Variants in CNOT6 observed in about 807,000 individuals in gnomAD.
CNOT6 encodes CCR4-NOT transcription complex subunit 6, also known as carbon catabolite repression 4 protein.
CNOT6 carries 12 observed loss-of-function variants against 61.2 expected under a neutral mutation model. That is an observed-to-expected ratio of 0.20 (90% CI 0.13 to 0.32). The LOEUF is 0.32. Among genes scored for constraint, CNOT6 ranks in the 10% least tolerant of loss-of-function variants. The pLI, the probability that CNOT6 is intolerant of heterozygous loss-of-function variation, is 1.00. For synonymous variants in CNOT6, 225 were observed against 240.6 expected, an observed-to-expected ratio of 0.94 and a Z score of 0.60; for missense variants, 405 against 663.9, an observed-to-expected ratio of 0.61 and a Z score of 4.28.
chr5:180,522,216 C>G (rs746152447), intron 1 of CNOT6, among the ~76,000 whole-genome samples: 1 of 152,120 alleles, frequency 6.6e-6, no homozygotes, highest in Non-Finnish European at 1.5e-5. Context: ...ACTCCATGTC[C>G]TAGGCTCAGA....
chr5:180,548,589 A>T (rs1490503821), intron 2 of CNOT6, among the ~76,000 whole-genome samples: 1 of 152,112 alleles, frequency 6.6e-6, no homozygotes, highest in Non-Finnish European at 1.5e-5. Context: ...GCCTCCTGTA[A>T]GTGCTGTCCA....
Position 180,574,229 on chromosome 5 carries a change from TCA to T in CNOT6, c.*31_*32del. The T allele has an allele frequency of 6.3e-7, 1 of 1,576,584 alleles. No individual in the cohort carries two copies. Among genetic ancestry groups the T allele is most frequent in the Non-Finnish European group, 8.7e-7 (1 of 1,146,070 alleles). ...AGCACCTTCAGAGGACAGCCTTGAT[TCA>T]CTTGTAAACTTGTGAAAATCTGAAC... On this transcript the variant is annotated 3_prime_UTR_variant, in exon 12 of 12. Transcript: ENST00000261951.
intron 1 of CNOT6, among the ~76,000 whole-genome samples, chr5:180,521,679 A>G (rs953793590): frequency 1.4e-4 from 22 of 152,206 alleles, no homozygotes; most frequent in Non-Finnish European, 2.6e-4. Flanking sequence ...TAGTCAGTAC[A>G]TTCTCAGCCC....
intron 1 of CNOT6, among the ~76,000 whole-genome samples, chr5:180,519,714 CT>C (rs1416469691): frequency 2.0e-5 from 3 of 148,542 alleles, no homozygotes; most frequent in Non-Finnish European, 4.5e-5. Flanking sequence ...TCTTGGGTCT[CT>C]TATTTAATGT....
intron 2 of CNOT6, among the ~76,000 whole-genome samples, chr5:180,544,920 A>G (rs1043662114): frequency 5.3e-5 from 8 of 152,154 alleles, no homozygotes; most frequent in African/African-American, 1.9e-4. Flanking sequence ...GAGCAAGCAC[A>G]CCACTGCACT....
chr5:180,510,831 T>C (rs556995433), intron 1 of CNOT6, among the ~76,000 whole-genome samples: 14 of 151,740 alleles, frequency 9.2e-5, no homozygotes, highest in South Asian at 2.1e-4. Context: ...TGCGACAGAG[T>C]CTCGCTCTCG....
intron 1 of CNOT6, among the ~76,000 whole-genome samples, chr5:180,516,525 T>G (rs750507238): frequency 6.6e-6 from 1 of 152,186 alleles, no homozygotes; most frequent in Non-Finnish European, 1.5e-5. Flanking sequence ...CAGTTAAGAT[T>G]GCCTGTAACT....
chr5:180,523,111 G>A (rs1168284816), intron 1 of CNOT6, among the ~76,000 whole-genome samples: 2 of 152,180 alleles, frequency 1.3e-5, no homozygotes, highest in African/African-American at 4.8e-5. Flanking sequence ...TGAGCTATAG[G>A]ACACTCAGGT....
chr5:180,503,096 G>A (rs997649564), intron 1 of CNOT6, among the ~76,000 whole-genome samples: 5 of 152,004 alleles, frequency 3.3e-5, no homozygotes, highest in Non-Finnish European at 7.4e-5. Flanking sequence ...TGCCGGTGGT[G>A]CAGTGGGCTC....
chr5:180,573,891 C>T, intron 11 of CNOT6, 97 bp from the exon 12 acceptor site: 1 of 820,518 alleles, frequency 1.2e-6, no homozygotes, highest in Non-Finnish European at 2.1e-6. Context: ...TTGTTCTGTT[C>T]TGTTCACCAA....
intron 1 of CNOT6, among the ~76,000 whole-genome samples, chr5:180,513,054 G>T (rs181052069): frequency 1.6e-3 from 237 of 151,888 alleles, no homozygotes; most frequent in African/African-American, 5.5e-3. Flanking sequence ...CGCCACCAAT[G>T]CCCGGATAAT....
chr5:180,515,942 G>A (rs746977178), intron 1 of CNOT6, among the ~76,000 whole-genome samples: 13 of 152,100 alleles, frequency 8.5e-5, no homozygotes, highest in East Asian at 1.9e-4. Flanking sequence ...GGGTCTCACC[G>A]CGTTACCCAG....
At chr5:180,560,661 T>C (rs911760614) in intron 4 of CNOT6, among the ~76,000 whole-genome samples, 1 of 152,184 alleles carries the variant, frequency 6.6e-6, no homozygotes, top group Admixed American at 6.5e-5. Context: ...TTCTTTGTCT[T>C]TAGTTTTCAG....
At chr5:180,512,463 T>C (rs1757437949) in intron 1 of CNOT6, among the ~76,000 whole-genome samples, 1 of 152,216 alleles carries the variant, frequency 6.6e-6, no homozygotes, top group Admixed American at 6.5e-5. Context: ...AATTCTCAAC[T>C]GCGGAGTTTG....
chr5:180,545,594 A>G (rs1759276567), intron 2 of CNOT6, among the ~76,000 whole-genome samples: 3 of 152,126 alleles, frequency 2.0e-5, no homozygotes, highest in Admixed American at 1.3e-4. Context: ...TTGTATGGCT[A>G]CGCCAGCATT....
At chr5:180,531,772 C>CA (rs1486038153) in intron 2 of CNOT6, among the ~76,000 whole-genome samples, 2 of 152,248 alleles carry the variant, frequency 1.3e-5, no homozygotes, top group Admixed American at 1.3e-4. Flanking sequence ...CACTCGGGGT[C>CA]AGGAGCTGGA....
rs1216071677 is a variant in CNOT6 at position 180,576,142 on chromosome 5, A to G, written c.*1942A>G. ...GCATAACTTTTTATGGGGTTTTGTT[A>G]TTGGTTTTTTTTTGTAAAGTGTGAA... is the stretch of plus-strand genomic sequence containing the variant. On this transcript the variant is annotated 3_prime_UTR_variant, in exon 12 of 12. Transcript: ENST00000261951. 6.6e-6 allele frequency: 1 copy of G among 151,930 alleles called. No individual in the cohort carries two copies. Among genetic ancestry groups the G allele is most frequent in the Non-Finnish European group, 1.5e-5 (1 of 67,864 alleles). 9.4% of individuals were successfully genotyped at this position (151,930 alleles called of 1,614,324 possible).
At chr5:180,538,296 C>T (rs1379191437) in intron 2 of CNOT6, among the ~76,000 whole-genome samples, 1 of 151,674 alleles carries the variant, frequency 6.6e-6, no homozygotes, top group Middle Eastern at 3.2e-3. Flanking sequence ...GCCTGGGCCT[C>T]CCAGAGTGCT....
intron 3 of CNOT6, 107 bp from the exon 4 acceptor site, chr5:180,553,279 A>T: frequency 1.4e-6 from 1 of 702,818 alleles, no homozygotes; most frequent in East Asian, 2.7e-5. Flanking sequence ...ATATAACGTA[A>T]CATTTTTTCA....
Sources: allele counts gnomAD v4.1 joint callset (sites outside exome capture counted in the v4.1 genomes callset), GRCh38; gene constraint gnomAD v4.1.1; transcripts MANE v1.5; gene names NCBI Gene and HGNC (gene_info 2026-07-23, HGNC 2026-07-21).